SLIT3: variants seen among roughly 807,000 people sequenced by gnomAD.
SLIT3 encodes the protein slit guidance ligand 3.
SLIT3 carries 68 observed loss-of-function variants against 184.0 expected under a neutral mutation model. The ratio of observed to expected loss-of-function variants is 0.37; its 90% CI spans 0.30 to 0.45. The LOEUF is 0.45. SLIT3 is among the 20% of genes least tolerant of loss of function. The pLI is 1.00. For synonymous variants in SLIT3, 831 were observed against 828.6 expected (o/e 1.00, Z -0.05); for missense variants, 1,707 against 2,026.0 (o/e 0.84, Z 3.02).
chr5:168,764,356 A>G (rs571728049), intron 14 of SLIT3, among the ~76,000 whole-genome samples: 1 of 152,260 alleles, frequency 6.6e-6, no homozygotes, highest in East Asian at 1.9e-4. Flanking sequence ...GGATAACTCT[A>G]TTTTATAGAC....
chr5:169,198,561 G>T (rs925498009), intron 3 of SLIT3, among the ~76,000 whole-genome samples: 2 of 152,176 alleles, frequency 1.3e-5, no homozygotes, highest in African/African-American at 4.8e-5. Flanking sequence ...AAAGAATTTG[G>T]GTTTGGCTTT....
chr5:169,056,139 G>A (rs550925735), intron 4 of SLIT3, among the ~76,000 whole-genome samples: 1 of 152,190 alleles, frequency 6.6e-6, no homozygotes, highest in Admixed American at 6.5e-5. Flanking sequence ...GTGGAGTGGG[G>A]GTATAAAATC....
intron 16 of SLIT3, among the ~76,000 whole-genome samples, chr5:168,755,355 G>A (rs1162529260): frequency 6.8e-6 from 1 of 146,562 alleles, no homozygotes; most frequent in Non-Finnish European, 1.5e-5. Context: ...TTTGCTTAAA[G>A]TGAGCTTGGT....
At chr5:169,027,624 T>G (rs904820671) in intron 4 of SLIT3, among the ~76,000 whole-genome samples, 1 of 152,206 alleles carries the variant, frequency 6.6e-6, no homozygotes, top group Non-Finnish European at 1.5e-5. Flanking sequence ...TATGCCACTT[T>G]ATTCCTCCTT....
intron 4 of SLIT3, among the ~76,000 whole-genome samples, chr5:169,128,154 G>A (rs1326759001): frequency 6.6e-6 from 1 of 150,830 alleles, no homozygotes; most frequent in East Asian, 1.9e-4. Context: ...GTTATATAAT[G>A]TTCTTTAAAA....
chr5:169,280,014 A>G (rs1766942409), intron 1 of SLIT3, among the ~76,000 whole-genome samples: 1 of 152,264 alleles, frequency 6.6e-6, no homozygotes, highest in Non-Finnish European at 1.5e-5. Context: ...TTTCACAGTG[A>G]GAAGCCTGAG....
intron 4 of SLIT3, among the ~76,000 whole-genome samples, chr5:168,912,066 T>C (rs1404775264): frequency 3.3e-5 from 5 of 152,208 alleles, no homozygotes; most frequent in Non-Finnish European, 1.5e-5. Context: ...TAACCTCCTC[T>C]TCTTCCTCCT....
chr5:168,885,106 T>C (rs1177702062), intron 4 of SLIT3, among the ~76,000 whole-genome samples: 1 of 152,154 alleles, frequency 6.6e-6, no homozygotes, highest in East Asian at 1.9e-4. Flanking sequence ...TTTTCTGATC[T>C]CCCATCTGCT....
At chr5:168,926,050 T>C (rs1761810981) in intron 4 of SLIT3, among the ~76,000 whole-genome samples, 2 of 152,196 alleles carry the variant, frequency 1.3e-5, no homozygotes, top group South Asian at 2.1e-4. Context: ...TGCTTTTCTC[T>C]TGGGAGCGGT....
intron 20 of SLIT3, among the ~76,000 whole-genome samples, chr5:168,744,061 G>A (rs375064267): frequency 1.4e-4 from 21 of 152,306 alleles, no homozygotes; most frequent in East Asian, 9.6e-4. Flanking sequence ...AATCCGGGGC[G>A]GGTGGATCAT....
At position 168,702,762 on chromosome 5, in the gene SLIT3, T is replaced by G. The variant is rs1415747966; in HGVS notation, c.2845-2083A>C. On this transcript the variant is annotated intron_variant, in intron 26 of 35. Transcript: ENST00000519560. ...GAATGTGAGTGACTAAAATACTTTT[T>G]CAGGTCTTTGGTTGGTGCCAAGTAG... Among the ~76,000 whole-genome samples the G allele has an allele frequency of 4.6e-5, 7 of 152,256 alleles. No homozygotes were observed. In the East Asian group the frequency reaches 1.4e-3, roughly 29 times the overall value.
At chr5:169,099,759 A>C (rs1759936706) in intron 4 of SLIT3, among the ~76,000 whole-genome samples, 1 of 151,982 alleles carries the variant, frequency 6.6e-6, no homozygotes, top group African/African-American at 2.4e-5. Context: ...TGGTCAGGTA[A>C]GGGGAGGATG....
intron 3 of SLIT3, among the ~76,000 whole-genome samples, chr5:169,221,538 G>C (rs1379908440): frequency 6.6e-6 from 1 of 152,234 alleles, no homozygotes; most frequent in Non-Finnish European, 1.5e-5. Flanking sequence ...GCACTCAACA[G>C]TATTACACAT....
intron 3 of SLIT3, among the ~76,000 whole-genome samples, chr5:169,222,180 C>T (rs1356384393): frequency 6.6e-6 from 1 of 152,120 alleles, no homozygotes; most frequent in African/African-American, 2.4e-5. Flanking sequence ...TATGTATTAT[C>T]TGTATGATTT....
chr5:169,038,695 T>C (rs1436078582), intron 4 of SLIT3, among the ~76,000 whole-genome samples: 2 of 152,164 alleles, frequency 1.3e-5, no homozygotes, highest in Non-Finnish European at 2.9e-5. Flanking sequence ...TTTGCCAAGG[T>C]CACGCTGCTA....
chr5:168,786,002 G>A (rs2292143), intron 11 of SLIT3, 24 bp from the exon 12 acceptor site: 186,012 of 1,548,764 alleles, frequency 0.12, 13,562 homozygotes, highest in African/African-American at 0.35. Flanking sequence ...GGAGAAGACA[G>A]CAATCACTGT....
At chr5:168,749,755 G>T in intron 18 of SLIT3, 120 bp from the exon 19 acceptor site, 1 of 1,002,110 alleles carries the variant, frequency 1.0e-6, no homozygotes, top group Non-Finnish European at 1.5e-6. Context: ...AGGAAACGTA[G>T]GCTCTTCCCC....
At chr5:169,100,500 T>C (rs973239017) in intron 4 of SLIT3, among the ~76,000 whole-genome samples, 3 of 152,134 alleles carry the variant, frequency 2.0e-5, no homozygotes, top group South Asian at 2.1e-4. Flanking sequence ...TTTCCCAGAA[T>C]AAAGGCGTCA....
chr5:169,144,053 G>A (rs1199756694), intron 4 of SLIT3, among the ~76,000 whole-genome samples: 1 of 152,206 alleles, frequency 6.6e-6, no homozygotes, highest in African/African-American at 2.4e-5. Context: ...GTGCATAGTA[G>A]AATCTCCATG....
Sources: allele counts gnomAD v4.1 joint callset (sites outside exome capture counted in the v4.1 genomes callset), GRCh38; gene constraint gnomAD v4.1.1; transcripts MANE v1.5; gene names NCBI Gene and HGNC (gene_info 2026-07-23, HGNC 2026-07-21).